Variants in PTPRD observed in about 807,000 individuals in gnomAD.
PTPRD encodes the protein protein tyrosine phosphatase receptor type D, also known as receptor-type tyrosine-protein phosphatase delta.
In PTPRD, 34 loss-of-function variants were observed where a neutral mutation model predicts 214.5. The observed-to-expected ratio is 0.16, with a 90% CI of 0.12 to 0.21. The LOEUF (loss-of-function observed/expected upper bound fraction) is 0.21. PTPRD is among the 10% of genes least tolerant of loss of function. PTPRD has a pLI of 1.00. For missense variants in PTPRD, 2,545 were observed against 2,398.7 expected (o/e 1.06, Z -1.27); for synonymous variants, 1,128 against 845.7 (o/e 1.33, Z -5.79).
chr9:9,024,164 A>G (rs992899758), intron 10 of PTPRD, among the ~76,000 whole-genome samples: 2 of 151,674 alleles, frequency 1.3e-5, no homozygotes, highest in Admixed American at 6.6e-5. Flanking sequence ...TATATTTTAT[A>G]AGTTCATTAA....
intron 10 of PTPRD, among the ~76,000 whole-genome samples, chr9:9,034,641 G>C (rs1198675114): frequency 6.6e-6 from 1 of 152,050 alleles, no homozygotes; most frequent in Non-Finnish European, 1.5e-5. Context: ...CATATGTAGT[G>C]GCTGCAGTGT....
At chr9:9,591,688 T>C (rs1312670942) in intron 7 of PTPRD, among the ~76,000 whole-genome samples, 2 of 152,090 alleles carry the variant, frequency 1.3e-5, no homozygotes, top group African/African-American at 4.8e-5. Context: ...TCAGTTTTAA[T>C]TGACACATAA....
rs544319755 is a variant in PTPRD at position 9,839,369 on chromosome 9, T to G, written c.-367-72518A>C. On this transcript the variant is annotated intron_variant, in intron 5 of 45. Transcript: ENST00000381196. ...TTCAGCAAAGTCTCAGGATACAAAA[T>G]CAATGTACAAAAATCACAAGCATTC... 3.3e-4 allele frequency among the ~76,000 whole-genome samples: 50 copies of G among 152,150 alleles called. 1 individual carries two copies. The highest frequency in any genetic ancestry group is 1.2e-3 in the African/African-American group (49 of 41,510).
intron 10 of PTPRD, among the ~76,000 whole-genome samples, chr9:9,172,880 C>G (rs1028620356): frequency 2.0e-5 from 3 of 152,150 alleles, no homozygotes; most frequent in African/African-American, 7.2e-5. Context: ...AGTTCTAACT[C>G]AAGCCTAAAT....
chr9:8,332,172 G>GAAAC (rs1002664792), intron 43 of PTPRD, among the ~76,000 whole-genome samples: 1 of 152,110 alleles, frequency 6.6e-6, no homozygotes, highest in African/African-American at 2.4e-5. Flanking sequence ...AATAAATATT[G>GAAAC]AAACAAGCAC....
In PTPRD at chr9:9,732,749, G is replaced by A. The variant is rs368509739; in HGVS notation, c.-287+1784C>T. On this transcript the variant is annotated intron_variant, in intron 7 of 45. Coordinates refer to ENST00000381196, the MANE Select transcript of PTPRD (RefSeq NM_002839.4). ...GAAGGCTAACCCTCATTCTCATTTT[G>A]CGGCTAAATATTGACTAATACTTTG... Among the ~76,000 whole-genome samples, 442 of 152,116 alleles carry A rather than the reference G, an allele frequency of 2.9e-3. 3 individuals are homozygous for A. The highest frequency in any genetic ancestry group is 0.01 in the African/African-American group (419 of 41,508).
At chr9:10,454,264 T>C (rs2130961506) in intron 2 of PTPRD, among the ~76,000 whole-genome samples, 1 of 151,794 alleles carries the variant, frequency 6.6e-6, no homozygotes, top group East Asian at 1.9e-4. Context: ...ATTTGCCATC[T>C]GTTCCCAATA....
intron 8 of PTPRD, among the ~76,000 whole-genome samples, chr9:9,400,447 CTTCT>C (rs34745890): frequency 0.88 from 132,856 of 151,550 alleles, 58,380 homozygotes; most frequent in African/African-American, 0.91. Flanking sequence ...AAAATCCGTC[CTTCT>C]AATACTACAA....
chr9:9,489,702 A>G (rs1404287178), intron 8 of PTPRD, among the ~76,000 whole-genome samples: 1 of 152,176 alleles, frequency 6.6e-6, no homozygotes, highest in Non-Finnish European at 1.5e-5. Flanking sequence ...AGGACAAAAA[A>G]TATCACTGAG....
At chr9:9,635,328 T>C (rs996082940) in intron 7 of PTPRD, among the ~76,000 whole-genome samples, 1 of 152,206 alleles carries the variant, frequency 6.6e-6, no homozygotes, top group African/African-American at 2.4e-5. Context: ...AATGATTAAA[T>C]CCCGTATGTC....
chr9:9,804,303 C>T (rs1026183411), intron 5 of PTPRD, among the ~76,000 whole-genome samples: 1 of 152,008 alleles, frequency 6.6e-6, no homozygotes, highest in East Asian at 1.9e-4. Context: ...CTGAATTTCC[C>T]ATCCCTAAAG....
chr9:9,376,736 T>C (rs888293241), intron 9 of PTPRD, among the ~76,000 whole-genome samples: 1 of 152,062 alleles, frequency 6.6e-6, no homozygotes, highest in Non-Finnish European at 1.5e-5. Flanking sequence ...ATAGAACCCC[T>C]CGGGTCTCTT....
At chr9:9,721,378 A>G (rs79370001) in intron 7 of PTPRD, among the ~76,000 whole-genome samples, 1 of 152,142 alleles carries the variant, frequency 6.6e-6, no homozygotes, top group African/African-American at 2.4e-5. Context: ...ACTATTTTTA[A>G]TGAGAGAGAG....
intron 39 of PTPRD, among the ~76,000 whole-genome samples, chr9:8,372,770 C>T (rs2081944931): frequency 6.6e-6 from 1 of 151,966 alleles, no homozygotes; most frequent in African/African-American, 2.4e-5. Context: ...GTTAGAATTT[C>T]TTTTACTTAA....
intron 14 of PTPRD, among the ~76,000 whole-genome samples, chr9:8,609,409 C>T (rs1350229570): frequency 6.6e-6 from 1 of 152,128 alleles, no homozygotes; most frequent in Non-Finnish European, 1.5e-5. Context: ...CTTTTCTTAC[C>T]TTTATTTTAG....
chr9:8,979,757 A>C (rs1291830995), intron 11 of PTPRD, among the ~76,000 whole-genome samples: 2 of 152,110 alleles, frequency 1.3e-5, no homozygotes, highest in African/African-American at 4.8e-5. Flanking sequence ...GTGACTGGAG[A>C]AAAAGGAACA....
chr9:8,423,242 G>A (rs1217550594), intron 35 of PTPRD, among the ~76,000 whole-genome samples: 1 of 152,152 alleles, frequency 6.6e-6, no homozygotes, highest in East Asian at 1.9e-4. Flanking sequence ...GGCTCAATAA[G>A]TTATATGCCA....
chr9:10,591,150 A>C (rs1302957325), intron 2 of PTPRD, among the ~76,000 whole-genome samples: 3 of 151,872 alleles, frequency 2.0e-5, no homozygotes, highest in African/African-American at 7.3e-5. Context: ...TTTTGTGTGG[A>C]CCCTGCTGAA....
At chr9:10,342,493 G>C (rs932132401) in intron 2 of PTPRD, among the ~76,000 whole-genome samples, 3 of 152,002 alleles carry the variant, frequency 2.0e-5, no homozygotes, top group African/African-American at 7.2e-5. Flanking sequence ...TGTAGCAATA[G>C]AAAAATTTAT....
Sources: gnomAD v4.1 joint callset for allele counts (sites outside exome capture counted in the v4.1 genomes callset) on GRCh38, gnomAD v4.1.1 for gene constraint, MANE v1.5 for transcripts, NCBI Gene and HGNC (gene_info 2026-07-23, HGNC 2026-07-21) for gene names.